Variants in PACSIN2 observed in about 807,000 individuals in gnomAD.
PACSIN2 encodes the protein protein kinase C and casein kinase substrate in neurons protein 2.
Under a neutral mutation model 63.8 loss-of-function variants are expected in PACSIN2, and 25 were observed. That is an observed-to-expected ratio of 0.39 (90% CI 0.29 to 0.55). PACSIN2 has a LOEUF of 0.55. Ranked by LOEUF, PACSIN2 falls within the 20% of genes least tolerant of loss-of-function variation. PACSIN2 has a pLI of 0.62. For synonymous variants in PACSIN2, 255 were observed against 256.2 expected (o/e 1.00, Z 0.05); for missense variants, 518 against 646.9 (o/e 0.80, Z 2.16).
chr22:42,888,636 A>C lies in PACSIN2; in HGVS notation c.609+7T>G, dbSNP rs1188970011. The C allele has an allele frequency of 6.2e-7, 1 of 1,614,096 alleles. No homozygotes were observed. Among genetic ancestry groups the C allele is most frequent in the Non-Finnish European group, 8.5e-7 (1 of 1,179,914 alleles). ...ACTCGACGTGTAAAAACAAGTGTAC[A>C]GTTTACCTTAAGAACATCTTGCTTG... On this transcript the variant is annotated splice_region_variant and intron_variant, in intron 5 of 10. Transcript: ENST00000263246.
Position 42,870,927 on chromosome 22 carries a change from G to C in PACSIN2, c.*430C>G, listed in dbSNP as rs1928059826. The C allele has an allele frequency of 4.9e-6, 1 of 202,442 alleles. No individual in the cohort carries two copies. The highest frequency in any genetic ancestry group is 9.2e-5 in the South Asian group (1 of 10,812). The allele number at this position is 202,442 out of a possible 1,614,324, so 12.5% of individuals were successfully genotyped here. A position where few individuals can be genotyped will look rare whatever the true frequency, so the allele number is the denominator to read the frequency against. ...GTATAAAAAAGTATAACTGTACACAGCCTTTAAATTAAAAACCTCAAAATC... is the reference window on the plus strand; with the variant it reads ...GTATAAAAAAGTATAACTGTACACACCCTTTAAATTAAAAACCTCAAAATC... On this transcript the variant is annotated 3_prime_UTR_variant, in exon 11 of 11. Transcript: ENST00000263246.
chr22:42,906,209 G>T (rs1931062090), intron 2 of PACSIN2, among the ~76,000 whole-genome samples: 1 of 152,262 alleles, frequency 6.6e-6, no homozygotes, highest in Admixed American at 6.5e-5. Flanking sequence ...GCTCAGGCCA[G>T]GCATGAGCCT....
rs771412703 is a variant in PACSIN2 at position 42,893,526 on chromosome 22, G to A, written c.148C>T (p.Arg50Cys). ...DLMNCLHERA[R>C]IEKAYAQQLT... ...TGCTGCGCATACGCCTTCTCGATGC[G>A]CGCCCGCTCATGCAGGCAGTTCATG... Residue 50 changes from arginine (R) to cysteine (C), a missense_variant, in exon 3 of 11, where the codon CGC (arginine) becomes TGC (cysteine). Around this residue, in one of 2 missense-constraint regions of PACSIN2, gnomAD observed 507 missense variants for 612.3 expected, o/e 0.83. Coordinates refer to ENST00000263246, the MANE Select transcript of PACSIN2 (RefSeq NM_001184970.3). 5.0e-6 allele frequency: 8 copies of A among 1,613,996 alleles called. No individual in the cohort carries two copies. Among genetic ancestry groups the A allele is most frequent in the African/African-American group, 1.3e-5 (1 of 74,940 alleles).
At chr22:42,929,129 G>A (rs756161199) in intron 1 of PACSIN2, among the ~76,000 whole-genome samples, 2 of 152,238 alleles carry the variant, frequency 1.3e-5, no homozygotes, top group African/African-American at 4.8e-5. Flanking sequence ...AGGCCTGACG[G>A]CCGCCCTGTG....
At chr22:42,902,122 C>T (rs866175479) in intron 2 of PACSIN2, among the ~76,000 whole-genome samples, 3 of 152,196 alleles carry the variant, frequency 2.0e-5, no homozygotes, top group South Asian at 2.1e-4. Flanking sequence ...AACTGCCATG[C>T]GACTGTCCCT....
intron 1 of PACSIN2, among the ~76,000 whole-genome samples, chr22:42,919,772 C>CAAAAAAAA (rs761464603): frequency 1.0e-3 from 49 of 48,678 alleles, no homozygotes; most frequent in Non-Finnish European, 1.6e-3. Context: ...GAACCTGTCT[C>CAAAAAAAA]AAAAAAAAAA....
At position 42,919,887 on chromosome 22, in the gene PACSIN2, C is replaced by G. The variant is rs1300869588; in HGVS notation, c.-77-7730G>C. ...ATCTCAACACTTTGAAAGGCCAAAG[C>G]AGGTGGATCACTTGAGGCCACCCTG... On this transcript the variant is annotated intron_variant, in intron 1 of 10. Transcript: ENST00000263246. Among the ~76,000 whole-genome samples the G allele has an allele frequency of 4.0e-5, 6 of 150,368 alleles. No homozygotes were observed. The East Asian group carries it at 1.2e-3, about 29-fold the overall frequency.
intron 4 of PACSIN2, among the ~76,000 whole-genome samples, chr22:42,889,733 G>A (rs1012020206): frequency 4.6e-5 from 7 of 152,058 alleles, no homozygotes; most frequent in Non-Finnish European, 8.8e-5. Context: ...AGGCAGGGGC[G>A]GGGCACACAA....
intron 1 of PACSIN2, among the ~76,000 whole-genome samples, chr22:42,969,043 C>CTCCATCCATCCATCCATCCA (rs60039459): frequency 0.13 from 20,225 of 150,796 alleles, 2,362 homozygotes; most frequent in East Asian, 0.57. Flanking sequence ...ATCTATCTAT[C>CTCCATCCATCCATCCATCCA]TCCATCCATC....
intron 10 of PACSIN2, among the ~76,000 whole-genome samples, chr22:42,875,140 A>T (rs1029437667): frequency 7.0e-6 from 1 of 142,606 alleles, no homozygotes; most frequent in Non-Finnish European, 1.5e-5. Context: ...GTGAGCCACC[A>T]TGCCCAGCCT....
At chr22:42,896,374 T>C (rs2413728) in intron 2 of PACSIN2, among the ~76,000 whole-genome samples, 16 of 54,068 alleles carry the variant, frequency 3.0e-4, no homozygotes, top group South Asian at 5.7e-4. Context: ...TAGTATTCGA[T>C]TGTGTAGTTA....
intron 1 of PACSIN2, among the ~76,000 whole-genome samples, chr22:42,954,089 T>C (rs543597372): frequency 6.6e-6 from 1 of 152,258 alleles, no homozygotes; most frequent in Admixed American, 6.5e-5. Flanking sequence ...AGTGAAACCC[T>C]GTCTCTACCA....
chr22:42,917,198 C>T (rs535508007), intron 1 of PACSIN2, among the ~76,000 whole-genome samples: 1 of 152,256 alleles, frequency 6.6e-6, no homozygotes, highest in South Asian at 2.1e-4. Context: ...TGGAGCTTGC[C>T]CAAGCAGCGG....
At chr22:42,970,203 G>A (rs1921147273) in intron 1 of PACSIN2, among the ~76,000 whole-genome samples, 2 of 152,210 alleles carry the variant, frequency 1.3e-5, no homozygotes. Context: ...TTAAAAAGGA[G>A]AACGACTAAA....
At chr22:42,976,120 G>A (rs1158351354) in intron 1 of PACSIN2, among the ~76,000 whole-genome samples, 1 of 152,176 alleles carries the variant, frequency 6.6e-6, no homozygotes, top group African/African-American at 2.4e-5. Context: ...GAGGAAAAGG[G>A]GGCTAGAAAC....
intron 1 of PACSIN2, among the ~76,000 whole-genome samples, chr22:42,976,585 A>G (rs566685692): frequency 5.5e-4 from 84 of 152,334 alleles, no homozygotes; most frequent in African/African-American, 2.0e-3. Flanking sequence ...AGATTCTATG[A>G]CTGTTTTAGA....
chr22:42,923,621 G>T (rs1251602062), intron 1 of PACSIN2, among the ~76,000 whole-genome samples: 1 of 152,114 alleles, frequency 6.6e-6, no homozygotes, highest in African/African-American at 2.4e-5. Flanking sequence ...TAGAGACGGG[G>T]TTTCACCGTG....
In PACSIN2 at chr22:42,878,368, C is replaced by G. The variant is rs1928808908; in HGVS notation, c.1028+680G>C. 2.0e-5 allele frequency among the ~76,000 whole-genome samples: 3 copies of G among 152,220 alleles called. No homozygotes were observed. The South Asian group carries it at 6.2e-4, about 31-fold the overall frequency. On this transcript the variant is annotated intron_variant, in intron 8 of 10. Coordinates refer to ENST00000263246, the MANE Select transcript of PACSIN2 (RefSeq NM_001184970.3). ...GGGGCTGCAGGAAGGCCAAGGGAACCTGGGCTAAGCCTTCTTAGGAAGCCC... is the reference window on the plus strand; with the variant it reads ...GGGGCTGCAGGAAGGCCAAGGGAACGTGGGCTAAGCCTTCTTAGGAAGCCC...
chr22:42,898,619 G>A (rs1337878559), intron 2 of PACSIN2, among the ~76,000 whole-genome samples: 1 of 151,992 alleles, frequency 6.6e-6, no homozygotes, highest in Non-Finnish European at 1.5e-5. Flanking sequence ...CTGCCTCCCA[G>A]GGATGGACCT....
Sources: allele counts gnomAD v4.1 joint callset (sites outside exome capture counted in the v4.1 genomes callset), GRCh38; gene constraint gnomAD v4.1.1; regional missense constraint gnomAD v4.1.1; transcripts MANE v1.5; gene names NCBI Gene and HGNC (gene_info 2026-07-23, HGNC 2026-07-21).